TBC1D32: variants seen among roughly 807,000 people sequenced by gnomAD.
TBC1D32 encodes TBC1 domain family member 32.
Under a neutral mutation model 170.3 loss-of-function variants are expected in TBC1D32, and 151 were observed. The ratio of observed to expected loss-of-function variants is 0.89; its 90% CI spans 0.78 to 1.01. The LOEUF (loss-of-function observed/expected upper bound fraction) is 1.01. TBC1D32 is among the 50% of genes least tolerant of loss of function. The pLI, the probability that TBC1D32 is intolerant of heterozygous loss-of-function variation, is 0.00. For missense variants in TBC1D32, 1,464 were observed against 1,457.1 expected (o/e 1.00, Z -0.08); for synonymous variants, 498 against 488.0 (o/e 1.02, Z -0.27).
chr6:121,190,342 C>A (rs1789825465), intron 22 of TBC1D32, among the ~76,000 whole-genome samples: 1 of 148,740 alleles, frequency 6.7e-6, no homozygotes, highest in South Asian at 2.2e-4. Context: ...CTCCCTGCCC[C>A]CCACCGTTCT....
At chr6:121,223,049 C>T (rs998856533) in intron 21 of TBC1D32, among the ~76,000 whole-genome samples, 187 bp downstream of exon 21, 1 of 152,080 alleles carries the variant, frequency 6.6e-6, no homozygotes, top group Non-Finnish European at 1.5e-5. Flanking sequence ...TGTTAGGTGA[C>T]CTGGATCAAA....
intron 9 of TBC1D32, 46 bp downstream of exon 9, chr6:121,303,571 T>TA: frequency 1.4e-6 from 2 of 1,383,930 alleles, no homozygotes; most frequent in Non-Finnish European, 1.9e-6. Context: ...ATTAAAATGA[T>TA]ATAGCAATGC....
intron 22 of TBC1D32, among the ~76,000 whole-genome samples, chr6:121,191,006 C>T (rs1789932304): frequency 6.6e-6 from 1 of 151,106 alleles, no homozygotes; most frequent in Admixed American, 6.6e-5. Flanking sequence ...ATAAATTATA[C>T]TTTTACAAAC....
chr6:121,243,233 C>A (rs1353359464), intron 17 of TBC1D32, among the ~76,000 whole-genome samples: 1 of 151,738 alleles, frequency 6.6e-6, no homozygotes, highest in Non-Finnish European at 1.5e-5. Context: ...ACTAAACTCA[C>A]CTAATAAAAA....
chr6:121,299,641 G>A (rs1806166979), intron 9 of TBC1D32, 136 bp from the exon 10 acceptor site: 2 of 827,592 alleles, frequency 2.4e-6, no homozygotes, highest in Admixed American at 3.6e-5. Context: ...ATGACAGACA[G>A]GTGTTTATGT....
At chr6:121,281,186 C>T (rs1802931836) in intron 14 of TBC1D32, among the ~76,000 whole-genome samples, 1 of 151,630 alleles carries the variant, frequency 6.6e-6, no homozygotes, top group African/African-American at 2.4e-5. Flanking sequence ...AATCACATTT[C>T]CAAAACCTAT....
In TBC1D32 at chr6:121,123,451, C is replaced by G. The variant is rs113641976; in HGVS notation, c.2983+2927G>C. ...GCATGTATATTTATTACTGTTATAT[C>G]CTCTCACTGAAGTGATCCCTTTACC... On this transcript the variant is annotated intron_variant, in intron 26 of 31. Coordinates refer to ENST00000398212, the MANE Select transcript of TBC1D32 (RefSeq NM_152730.6). 8.8e-3 allele frequency among the ~76,000 whole-genome samples: 1,338 copies of G among 152,058 alleles called. 10 individuals carry two copies. Among genetic ancestry groups the G allele is most frequent in the South Asian group, 0.041 (199 of 4,812 alleles).
chr6:121,109,773 A>T (rs1448112461), intron 29 of TBC1D32, among the ~76,000 whole-genome samples: 1 of 152,158 alleles, frequency 6.6e-6, no homozygotes, highest in Non-Finnish European at 1.5e-5. Flanking sequence ...TAATATAGTC[A>T]TAGTTTATAA....
chr6:121,092,035 G>T lies in TBC1D32; in HGVS notation c.3466-994C>A, dbSNP rs188036249. Reference sequence around the variant, plus strand: ...CTGCTAGAAACCAGGAGAGAGGTAAGTAACAGTTCTTTCCTTAGCAACTAT... The same window carrying T: ...CTGCTAGAAACCAGGAGAGAGGTAATTAACAGTTCTTTCCTTAGCAACTAT... On this transcript the variant is annotated intron_variant, in intron 30 of 31. Coordinates refer to ENST00000398212, the MANE Select transcript of TBC1D32 (RefSeq NM_152730.6). Among the ~76,000 whole-genome samples the T allele has an allele frequency of 1.6e-4, 24 of 152,204 alleles. No individual in the cohort carries two copies. In the East Asian group the frequency reaches 3.9e-3, roughly 25 times the overall value.
At chr6:121,192,051 T>TC (rs765618347) in intron 22 of TBC1D32, among the ~76,000 whole-genome samples, 2 of 126,890 alleles carry the variant, frequency 1.6e-5, no homozygotes, top group Non-Finnish European at 3.3e-5. Flanking sequence ...AAGTTAATAC[T>TC]TAATAAACTA....
At chr6:121,291,730 AC>A (rs1291817215) in intron 12 of TBC1D32, among the ~76,000 whole-genome samples, 1 of 152,176 alleles carries the variant, frequency 6.6e-6, no homozygotes, top group Non-Finnish European at 1.5e-5. Context: ...AATGGAAACA[AC>A]AAAGGTTAAG....
At chr6:121,320,167 T>A (rs1809502592) in intron 2 of TBC1D32, among the ~76,000 whole-genome samples, 1 of 151,564 alleles carries the variant, frequency 6.6e-6, no homozygotes, top group Non-Finnish European at 1.5e-5. Flanking sequence ...AGATGTAGTG[T>A]TGCTACATTA....
chr6:121,191,288 C>A (rs1789981254), intron 22 of TBC1D32, among the ~76,000 whole-genome samples: 1 of 152,218 alleles, frequency 6.6e-6, no homozygotes, highest in Admixed American at 6.5e-5. Flanking sequence ...GATTGGCACA[C>A]ACAAAAGTAG....
rs80141141 is a variant in TBC1D32 at position 121,257,772 on chromosome 6, T to C, written c.1734-1487A>G. On this transcript the variant is annotated intron_variant, in intron 15 of 31. Transcript: ENST00000398212. The stretch of plus-strand genomic sequence containing the variant: ...GTCAATCCATTGCAGTCATTATTTT[T>C]CTGATTCTCAAATTGTCCATCTTAA... Among the ~76,000 whole-genome samples the C allele has an allele frequency of 4.0e-5, 6 of 151,852 alleles. No individual in the cohort carries two copies. The East Asian group carries it at 1.2e-3, about 30-fold the overall frequency.
At chr6:121,239,631 GT>G (rs1485319121) in intron 19 of TBC1D32, among the ~76,000 whole-genome samples, 3 of 152,086 alleles carry the variant, frequency 2.0e-5, no homozygotes, top group African/African-American at 7.2e-5. Flanking sequence ...TCCAAAGAGT[GT>G]ATGCTCCCTT....
intron 21 of TBC1D32, among the ~76,000 whole-genome samples, chr6:121,208,951 T>C (rs1007097782): frequency 6.6e-6 from 1 of 152,004 alleles, no homozygotes; most frequent in Non-Finnish European, 1.5e-5. Flanking sequence ...GATATCCCCA[T>C]AGAATAACAG....
chr6:121,135,715 G>A (rs1043133905), intron 24 of TBC1D32, among the ~76,000 whole-genome samples: 2 of 152,132 alleles, frequency 1.3e-5, no homozygotes, highest in Non-Finnish European at 2.9e-5. Flanking sequence ...GCAACAGCTG[G>A]GGGTTATAAA....
At chr6:121,130,301 G>A (rs1781293745) in intron 25 of TBC1D32, among the ~76,000 whole-genome samples, 1 of 152,074 alleles carries the variant, frequency 6.6e-6, no homozygotes, top group Admixed American at 6.5e-5. Context: ...GGTCAACATG[G>A]TGAAACCCCG....
At chr6:121,128,277 G>A (rs145463551) in intron 25 of TBC1D32, among the ~76,000 whole-genome samples, 2 of 152,222 alleles carry the variant, frequency 1.3e-5, no homozygotes, top group African/African-American at 4.8e-5. Flanking sequence ...GGGATAGGCT[G>A]TACTCATGTA....
Sources: gnomAD v4.1 joint callset for allele counts (sites outside exome capture counted in the v4.1 genomes callset) on GRCh38, gnomAD v4.1.1 for gene constraint, MANE v1.5 for transcripts, NCBI Gene and HGNC (gene_info 2026-07-23, HGNC 2026-07-21) for gene names.